UST: variants seen among roughly 807,000 people sequenced by gnomAD.
UST encodes the protein uronyl 2-sulfotransferase, also known as chondroitin sulfate 2-O-sulfotransferase.
In UST, 21 loss-of-function variants were observed where a neutral mutation model predicts 45.6. That is an observed-to-expected ratio of 0.46 (90% CI 0.33 to 0.66). The LOEUF (loss-of-function observed/expected upper bound fraction) is 0.66. UST is among the 30% of genes least tolerant of loss of function. UST has a pLI of 0.02. For missense variants in UST, 463 were observed against 512.4 expected, an observed-to-expected ratio of 0.90 and a Z score of 0.93; for synonymous variants, 215 against 200.6, an observed-to-expected ratio of 1.07 and a Z score of -0.61.
intron 1 of UST, among the ~76,000 whole-genome samples, chr6:148,853,049 A>G (rs903516250): frequency 1.3e-5 from 2 of 152,188 alleles, no homozygotes; most frequent in Non-Finnish European, 2.9e-5. Flanking sequence ...TGCTGCACCT[A>G]TCAACCCATC....
intron 2 of UST, among the ~76,000 whole-genome samples, chr6:148,887,646 A>G (rs1398119691): frequency 6.6e-6 from 1 of 152,224 alleles, no homozygotes; most frequent in Non-Finnish European, 1.5e-5. Context: ...GAACAAATTG[A>G]TCATTGTATA....
At chr6:148,848,758 A>G (rs1404996024) in intron 1 of UST, among the ~76,000 whole-genome samples, 1 of 152,012 alleles carries the variant, frequency 6.6e-6, no homozygotes, top group Non-Finnish European at 1.5e-5. Flanking sequence ...ACAGAGAGAG[A>G]GACATATGAC....
At chr6:148,849,582 T>A (rs1368836009) in intron 1 of UST, among the ~76,000 whole-genome samples, 1 of 152,172 alleles carries the variant, frequency 6.6e-6, no homozygotes, top group African/African-American at 2.4e-5. Context: ...GACTCACCAT[T>A]CTGCAGGACT....
intron 2 of UST, among the ~76,000 whole-genome samples, chr6:148,924,706 T>C (rs1250074270): frequency 1.3e-5 from 2 of 152,172 alleles, no homozygotes; most frequent in Admixed American, 6.5e-5. Context: ...AACACATTTC[T>C]TGGTAATTCA....
At chr6:148,827,637 G>A (rs1213934277) in intron 1 of UST, among the ~76,000 whole-genome samples, 4 of 148,750 alleles carry the variant, frequency 2.7e-5, no homozygotes, top group African/African-American at 9.9e-5. Flanking sequence ...AAAAAAAAGC[G>A]TCTAAACTCC....
chr6:148,804,952 A>G (rs901771504), intron 1 of UST, among the ~76,000 whole-genome samples: 1 of 152,024 alleles, frequency 6.6e-6, no homozygotes, highest in African/African-American at 2.4e-5. Flanking sequence ...CCATGTATAT[A>G]TGGATATGGT....
At chr6:148,967,200 C>T (rs983113660) in intron 5 of UST, among the ~76,000 whole-genome samples, 1 of 152,128 alleles carries the variant, frequency 6.6e-6, no homozygotes, top group Non-Finnish European at 1.5e-5. Context: ...TGTAGGGGCT[C>T]CTTTCCAAAT....
At chr6:148,901,941 A>G (rs1489513424) in intron 2 of UST, among the ~76,000 whole-genome samples, 1 of 152,164 alleles carries the variant, frequency 6.6e-6, no homozygotes, top group Non-Finnish European at 1.5e-5. Context: ...TGCAAGATAG[A>G]GCATATGAAT....
chr6:148,839,014 G>A (rs1645630114), intron 1 of UST, among the ~76,000 whole-genome samples: 1 of 152,182 alleles, frequency 6.6e-6, no homozygotes, highest in African/African-American at 2.4e-5. Flanking sequence ...TTCAACTGTT[G>A]TTCATTGAGT....
At chr6:148,862,006 A>G (rs1042303839) in intron 1 of UST, among the ~76,000 whole-genome samples, 1 of 152,222 alleles carries the variant, frequency 6.6e-6, no homozygotes, top group African/African-American at 2.4e-5. Context: ...GTAGATGTCT[A>G]TTAGATCTGC....
chr6:149,025,596 A>T (rs2115022095), intron 7 of UST, among the ~76,000 whole-genome samples: 1 of 152,364 alleles, frequency 6.6e-6, no homozygotes, highest in South Asian at 2.1e-4. Flanking sequence ...CGGTAGAAGC[A>T]ACCTCACTGG....
intron 1 of UST, among the ~76,000 whole-genome samples, chr6:148,866,387 G>A (rs72986607): frequency 0.013 from 2,043 of 152,162 alleles, 30 homozygotes; most frequent in Admixed American, 0.025. Context: ...TGTGGAAACC[G>A]GCTCTTCCAA....
chr6:148,851,369 CA>C (rs1477430047), intron 1 of UST, among the ~76,000 whole-genome samples: 1 of 151,868 alleles, frequency 6.6e-6, no homozygotes, highest in Non-Finnish European at 1.5e-5. Flanking sequence ...TTGGACATCA[CA>C]AAAAATTATA....
intron 1 of UST, among the ~76,000 whole-genome samples, chr6:148,777,396 C>T (rs542374398): frequency 5.9e-5 from 9 of 152,126 alleles, no homozygotes; most frequent in Non-Finnish European, 1.2e-4. Context: ...ATAAAAGATT[C>T]GTTTTGCTAA....
At chr6:149,024,820 A>G (rs1197485374) in intron 7 of UST, among the ~76,000 whole-genome samples, 2 of 152,214 alleles carry the variant, frequency 1.3e-5, no homozygotes, top group African/African-American at 4.8e-5. Context: ...AAAATCTAAG[A>G]TACTGATTTA....
chr6:148,773,814 G>A (rs749568916), intron 1 of UST, among the ~76,000 whole-genome samples: 6 of 152,152 alleles, frequency 3.9e-5, no homozygotes, highest in Non-Finnish European at 5.9e-5. Flanking sequence ...CGCCATGAAC[G>A]CAAAGACTTC....
chr6:149,009,528 G>A (rs1194419781), intron 5 of UST, among the ~76,000 whole-genome samples: 2 of 149,744 alleles, frequency 1.3e-5, no homozygotes, highest in Non-Finnish European at 3.0e-5. Context: ...AGAGAGAAAT[G>A]TTAAAGAGCA....
chr6:149,030,726 G>C (rs796980019), intron 7 of UST, among the ~76,000 whole-genome samples: 3 of 151,008 alleles, frequency 2.0e-5, no homozygotes, highest in East Asian at 3.9e-4. Context: ...TCTTGTGTGT[G>C]TGTTACCTTA....
intron 1 of UST, among the ~76,000 whole-genome samples, chr6:148,794,317 T>A (rs1776907860): frequency 6.6e-6 from 1 of 152,206 alleles, no homozygotes. Flanking sequence ...TTCTTATACT[T>A]CTTGTGATTG....
Sources: allele counts gnomAD v4.1 joint callset (sites outside exome capture counted in the v4.1 genomes callset), GRCh38; gene constraint gnomAD v4.1.1; transcripts MANE v1.5; gene names NCBI Gene and HGNC (gene_info 2026-07-23, HGNC 2026-07-21).